SAMD4B: variants seen among roughly 807,000 people sequenced by gnomAD.
SAMD4B encodes the protein sterile alpha motif domain containing 4B.
SAMD4B carries 5 observed loss-of-function variants against 74.5 expected under a neutral mutation model. The observed-to-expected ratio is 0.07, with a 90% CI of 0.04 to 0.14. The LOEUF is 0.14. Among genes scored for constraint, SAMD4B ranks in the 10% least tolerant of loss-of-function variants. SAMD4B has a pLI of 1.00. For missense variants in SAMD4B, 608 were observed against 921.8 expected (o/e 0.66, Z 4.41); for synonymous variants, 373 against 374.9 (o/e 1.00, Z 0.06).
chr19:39,382,545 C>G (rs936250872), intron 12 of SAMD4B, among the ~76,000 whole-genome samples: 33 of 152,118 alleles, frequency 2.2e-4, no homozygotes, highest in African/African-American at 7.7e-4. Context: ...GCTGGGTCGT[C>G]TAAATCCAGG....
downstream of SAMD4B, chr19:39,389,980 G>T: frequency 8.8e-7 from 1 of 1,141,970 alleles, no homozygotes; most frequent in Non-Finnish European, 1.3e-6. The surrounding 1 kb of genome is among the most constrained non-coding windows in gnomAD (Gnocchi z 5.3). Flanking sequence ...TACTGTGCTA[G>T]GCCCTGAGCA....
chr19:39,383,428 T>G lies in SAMD4B; in HGVS notation c.2057-71T>G. On this transcript the variant is annotated intron_variant, in intron 13 of 13. Transcript: ENST00000610417. This position sits in a 1 kb window ranked among gnomAD's most constrained non-coding sequence, Gnocchi z 4.1. The stretch of plus-strand genomic sequence containing the variant: ...GGAGGGCCTGACTGGGATGACAGGC[T>G]ACCTGAGTGCCTTTTCTTGGGCCTC... 1 of 1,581,202 alleles carries G rather than the reference T, an allele frequency of 6.3e-7. No individual in the cohort carries two copies. The highest frequency in any genetic ancestry group is 1.3e-5 in the African/African-American group (1 of 74,336).
chr19:39,385,822 G>T, downstream of SAMD4B: 1 of 1,027,542 alleles, frequency 9.7e-7, no homozygotes, highest in Non-Finnish European at 1.4e-6. Context: ...GTGCTGGGCT[G>T]AATGACATCA....
intron 4 of SAMD4B, among the ~76,000 whole-genome samples, chr19:39,373,366 T>C (rs1005142992): frequency 6.6e-6 from 1 of 152,160 alleles, no homozygotes; most frequent in Non-Finnish European, 1.5e-5. Context: ...AGGACTTCTG[T>C]GTGTCATGCC....
intron 3 of SAMD4B, among the ~76,000 whole-genome samples, chr19:39,367,661 A>G (rs1246817214): frequency 2.6e-5 from 4 of 151,092 alleles, no homozygotes; most frequent in Non-Finnish European, 5.9e-5. Context: ...GGCATCCACC[A>G]CCATGCCCGG....
intron 12 of SAMD4B, among the ~76,000 whole-genome samples, chr19:39,382,461 A>C (rs2078054749): frequency 6.6e-6 from 1 of 152,102 alleles, no homozygotes; most frequent in Non-Finnish European, 1.5e-5. Flanking sequence ...AAGGAGAGAC[A>C]ATTGGGTGAT....
At chr19:39,358,188 T>C (rs925473023) in intron 3 of SAMD4B, among the ~76,000 whole-genome samples, 1 of 152,182 alleles carries the variant, frequency 6.6e-6, no homozygotes, top group Non-Finnish European at 1.5e-5. Flanking sequence ...AGAGAATCGC[T>C]TGAACCCGGG....
At chr19:39,368,208 C>T (rs776330420) in intron 3 of SAMD4B, among the ~76,000 whole-genome samples, 2 of 151,654 alleles carry the variant, frequency 1.3e-5, no homozygotes, top group South Asian at 4.2e-4. Flanking sequence ...AGCGAGACTC[C>T]GCCTCAAAAA....
chr19:39,380,761 C>A lies in SAMD4B; in HGVS notation c.1824C>A (p.Pro608=), dbSNP rs921949540. 1 of 1,571,966 alleles carries A rather than the reference C, an allele frequency of 6.4e-7. No homozygotes were observed. The change falls in exon 11 of 14, where the codon CCC becomes CCA. Residue 608 remains proline, a synonymous_variant. Transcript: ENST00000610417. ...GVSPRHALTS[P]SLGGQGRQNL... ...CCCCTCGACATGCCCTCACCAGCCC[C>A]AGCCTTGGAGGCCAGGGCCGACAGG...
Position 39,375,586 on chromosome 19 carries a change from G to A in SAMD4B, c.668-64G>A. 1 of 1,562,252 alleles carries A rather than the reference G, an allele frequency of 6.4e-7. No individual in the cohort carries two copies. Among genetic ancestry groups the A allele is most frequent in the Non-Finnish European group, 8.7e-7 (1 of 1,146,900 alleles). ...ACTGCCATCCTGGCACTGACGGCAG[G>A]GGGATGGTCTCCTGTGGTTGGGTCC... On this transcript the variant is annotated intron_variant, in intron 4 of 13. Coordinates refer to ENST00000610417, the MANE Select transcript of SAMD4B (RefSeq NM_001384574.2). This position sits in a 1 kb window ranked among gnomAD's most constrained non-coding sequence, Gnocchi z 4.1.
intron 3 of SAMD4B, among the ~76,000 whole-genome samples, chr19:39,366,841 C>T (rs1028064184): frequency 6.6e-6 from 1 of 152,086 alleles, no homozygotes; most frequent in African/African-American, 2.4e-5. Context: ...TTGAAAGACC[C>T]TCAGATGTCT....
At position 39,380,024 on chromosome 19, in the gene SAMD4B, T is replaced by G. The variant is rs768376498; in HGVS notation, c.1589T>G (p.Leu530Arg). Reference sequence around the variant, plus strand: ...TCCTGGAAACAGCAAGTGCTGAAGCTCCTCCGGACATTCCCGCGCAAAGCC... The same window carrying G: ...TCCTGGAAACAGCAAGTGCTGAAGCGCCTCCGGACATTCCCGCGCAAAGCC... ...LLSWKQQVLK[L>R]LRTFPRKAAL... Residue 530 changes from leucine to arginine, a missense_variant, in exon 10 of 14, where the codon CTC becomes CGC. Coordinates refer to ENST00000610417, the MANE Select transcript of SAMD4B (RefSeq NM_001384574.2). 1 of 1,613,816 alleles carries G rather than the reference T, an allele frequency of 6.2e-7. No homozygotes were observed.
At chr19:39,362,887 T>C (rs11666780) in intron 3 of SAMD4B, among the ~76,000 whole-genome samples, 5,922 of 152,132 alleles carry the variant, frequency 0.039, 125 homozygotes, top group Non-Finnish European at 0.047. Flanking sequence ...GGAGGGGCAA[T>C]GGCAAGTGAG....
chr19:39,377,856 T>C, intron 8 of SAMD4B, 32 bp downstream of exon 8: 1 of 1,540,524 alleles, frequency 6.5e-7, no homozygotes, highest in Non-Finnish European at 8.8e-7. Flanking sequence ...CAGGAAATCC[T>C]GAGGCAGAAA....
At chr19:39,380,418 C>T (rs1395986742) in intron 10 of SAMD4B, among the ~76,000 whole-genome samples, 169 bp from the exon 11 acceptor site, 1 of 152,220 alleles carries the variant, frequency 6.6e-6, no homozygotes, top group Non-Finnish European at 1.5e-5. Flanking sequence ...AACCCTTGTA[C>T]ATGTCCCATC....
chr19:39,383,792 C>G lies in SAMD4B; in HGVS notation c.*265C>G. The G allele has an allele frequency of 7.5e-7, 1 of 1,337,092 alleles. No homozygotes were observed. The highest frequency in any genetic ancestry group is 1.3e-5 in the South Asian group (1 of 77,118). 82.8% of individuals were successfully genotyped at this position (1,337,092 alleles called of 1,614,324 possible). A position where few individuals can be genotyped will look rare whatever the true frequency, so the allele number is the denominator to read the frequency against. On this transcript the variant is annotated 3_prime_UTR_variant, in exon 14 of 14. Coordinates refer to ENST00000610417, the MANE Select transcript of SAMD4B (RefSeq NM_001384574.2). The surrounding 1 kb of genome is among the most constrained non-coding windows in gnomAD (Gnocchi z 4.1). ...CAGGGACTGGCCAGACTGCCTGCCTCTCTCCTTTCCTTCCTCATCCCCACC... is the reference window on the plus strand; with the variant it reads ...CAGGGACTGGCCAGACTGCCTGCCTGTCTCCTTTCCTTCCTCATCCCCACC...
At chr19:39,376,315 C>T in intron 5 of SAMD4B, 122 bp from the exon 6 acceptor site, 1 of 744,554 alleles carries the variant, frequency 1.3e-6, no homozygotes, top group Non-Finnish European at 2.2e-6. Context: ...TAGCTCCCCC[C>T]AACCCCCTCC....
Position 39,384,325 on chromosome 19 carries a change from C to T in SAMD4B, c.*798C>T, listed in dbSNP as rs970879564. The T allele has an allele frequency of 6.5e-6, 1 of 152,690 alleles. No homozygotes were observed. The highest frequency in any genetic ancestry group is 1.9e-4 in the East Asian group (1 of 5,180). 9.5% of individuals were successfully genotyped at this position (152,690 alleles called of 1,614,324 possible). A position where few individuals can be genotyped will look rare whatever the true frequency, so the allele number is the denominator to read the frequency against. ...GACCCTCAAGCTCTAACCCATTTTCCTCCAGCCCTGGCTACCCGGATGAAG... is the reference window on the plus strand; with the variant it reads ...GACCCTCAAGCTCTAACCCATTTTCTTCCAGCCCTGGCTACCCGGATGAAG... On this transcript the variant is annotated 3_prime_UTR_variant, in exon 14 of 14. Transcript: ENST00000610417.
intron 1 of SAMD4B, among the ~76,000 whole-genome samples, chr19:39,345,720 G>C (rs905288604): frequency 1.3e-5 from 2 of 152,166 alleles, no homozygotes; most frequent in Non-Finnish European, 2.9e-5. Context: ...ATCCCACAAG[G>C]TGGGATCTAC....
Sources: gnomAD v4.1 joint callset for allele counts (sites outside exome capture counted in the v4.1 genomes callset) on GRCh38, gnomAD v4.1.1 for gene constraint, Gnocchi (gnomAD v3.1) non-coding constraint, MANE v1.5 for transcripts, NCBI Gene and HGNC (gene_info 2026-07-23, HGNC 2026-07-21) for gene names.